The following TMTC2 variants were observed in gnomAD, a reference collection of about 807,000 sequenced individuals.
TMTC2 encodes the protein transmembrane O-mannosyltransferase targeting cadherins 2.
In TMTC2, 43 loss-of-function variants were observed where a neutral mutation model predicts 82.4. The ratio of observed to expected loss-of-function variants is 0.52; its 90% CI spans 0.41 to 0.67. The LOEUF is 0.67. TMTC2 is among the 30% of genes least tolerant of loss of function. TMTC2 has a pLI of 0.00. For synonymous variants in TMTC2, 408 were observed against 381.9 expected (o/e 1.07, Z -0.80); for missense variants, 919 against 1,012.4 (o/e 0.91, Z 1.25).
intron 1 of TMTC2, among the ~76,000 whole-genome samples, chr12:82,692,708 G>T (rs1872630023): frequency 6.6e-6 from 1 of 152,102 alleles, no homozygotes; most frequent in Admixed American, 6.6e-5. Context: ...TTATTTTAAT[G>T]GCTTCACAAA....
intron 1 of TMTC2, among the ~76,000 whole-genome samples, chr12:82,750,630 C>T (rs541982417): frequency 6.6e-6 from 1 of 152,212 alleles, no homozygotes; most frequent in South Asian, 2.1e-4. Flanking sequence ...TAATAGCTAT[C>T]GTCAGTCCTG....
chr12:82,992,855 C>T (rs2137351195), intron 8 of TMTC2, among the ~76,000 whole-genome samples: 1 of 152,216 alleles, frequency 6.6e-6, no homozygotes, highest in African/African-American at 2.4e-5. Flanking sequence ...ATTTCTTTTG[C>T]CTGATAGTCT....
chr12:82,775,426 G>T (rs563881867), intron 1 of TMTC2, among the ~76,000 whole-genome samples: 1 of 151,998 alleles, frequency 6.6e-6, no homozygotes, highest in Non-Finnish European at 1.5e-5. Flanking sequence ...CACCAGCCTG[G>T]GCAACAGAGT....
At chr12:82,712,748 T>A (rs772709126) in intron 1 of TMTC2, among the ~76,000 whole-genome samples, 2 of 152,142 alleles carry the variant, frequency 1.3e-5, no homozygotes, top group Non-Finnish European at 2.9e-5. Context: ...AATCAGTTTG[T>A]GATGGGCTAT....
chr12:82,951,388 T>C (rs1218165401), intron 4 of TMTC2, among the ~76,000 whole-genome samples: 1 of 152,152 alleles, frequency 6.6e-6, no homozygotes, highest in Non-Finnish European at 1.5e-5. Flanking sequence ...CTTCCCGGGT[T>C]CAAGCAGTTC....
At chr12:82,816,044 TGG>T (rs1868693486) in intron 1 of TMTC2, among the ~76,000 whole-genome samples, 1 of 152,052 alleles carries the variant, frequency 6.6e-6, no homozygotes, top group Non-Finnish European at 1.5e-5. Context: ...GATATAGTAG[TGG>T]GTATGTATTA....
intron 11 of TMTC2, among the ~76,000 whole-genome samples, chr12:83,084,718 A>G (rs1883592178): frequency 6.6e-6 from 1 of 152,216 alleles, no homozygotes; most frequent in Non-Finnish European, 1.5e-5. Flanking sequence ...AAATAAGAGG[A>G]AAACACCAGT....
chr12:83,032,517 T>C (rs1824880914), intron 9 of TMTC2, among the ~76,000 whole-genome samples: 2 of 151,544 alleles, frequency 1.3e-5, no homozygotes, highest in Non-Finnish European at 2.9e-5. Flanking sequence ...AATTTTTGGA[T>C]TTAAACAGAA....
rs138892949 is a variant in TMTC2 at position 83,027,594 on chromosome 12, C to A, written c.2071-3204C>A. The stretch of plus-strand genomic sequence containing the variant: ...AGAACCGACTGACCACATTAAGTGA[C>A]GGCTTACTGTACTCTCCTGAGAACT... On this transcript the variant is annotated intron_variant, in intron 8 of 11. Transcript: ENST00000321196. Among the ~76,000 whole-genome samples the A allele has an allele frequency of 2.0e-5, 3 of 152,274 alleles. No homozygotes were observed. In the East Asian group the frequency reaches 5.8e-4, roughly 29 times the overall value.
At chr12:82,777,139 TGCTATGTTA>T (rs1426152496) in intron 1 of TMTC2, among the ~76,000 whole-genome samples, 1 of 152,150 alleles carries the variant, frequency 6.6e-6, no homozygotes, top group Non-Finnish European at 1.5e-5. Context: ...CCCTTGAATT[TGCTATGTTA>T]GTTGTAGTAT....
chr12:82,977,449 G>C (rs1233540227), intron 7 of TMTC2, among the ~76,000 whole-genome samples: 1 of 151,808 alleles, frequency 6.6e-6, no homozygotes, highest in African/African-American at 2.4e-5. Context: ...AATTATTTAA[G>C]GTTGTTGTAG....
chr12:82,955,922 T>C (rs1193865467), intron 4 of TMTC2, among the ~76,000 whole-genome samples: 1 of 152,130 alleles, frequency 6.6e-6, no homozygotes, highest in East Asian at 1.9e-4. Flanking sequence ...AGACTGGAAA[T>C]ATTTTTTTTT....
chr12:82,916,158 C>A (rs376996881), intron 3 of TMTC2, among the ~76,000 whole-genome samples: 4 of 152,204 alleles, frequency 2.6e-5, no homozygotes, highest in Non-Finnish European at 4.4e-5. Flanking sequence ...ATAGTTGTTA[C>A]ATAAACAGGA....
intron 8 of TMTC2, among the ~76,000 whole-genome samples, chr12:83,005,932 C>T (rs1167851090): frequency 6.6e-6 from 1 of 152,178 alleles, no homozygotes; most frequent in East Asian, 1.9e-4. Flanking sequence ...CATGGAGAAC[C>T]CTTGGATATC....
At chr12:82,702,853 A>T (rs1407969121) in intron 1 of TMTC2, among the ~76,000 whole-genome samples, 1 of 152,088 alleles carries the variant, frequency 6.6e-6, no homozygotes, top group Admixed American at 6.6e-5. Flanking sequence ...GTCTCTATAA[A>T]AAATAAAAAT....
At chr12:82,764,719 G>T (rs528647208) in intron 1 of TMTC2, among the ~76,000 whole-genome samples, 1 of 152,132 alleles carries the variant, frequency 6.6e-6, no homozygotes. Flanking sequence ...CTCCGAAGAT[G>T]ATTTTGAGGG....
At chr12:83,038,814 G>C (rs2137435923) in intron 9 of TMTC2, among the ~76,000 whole-genome samples, 1 of 149,830 alleles carries the variant, frequency 6.7e-6, no homozygotes, top group Non-Finnish European at 1.5e-5. Context: ...GCACCCTTTT[G>C]TTTTCCTTTG....
intron 1 of TMTC2, among the ~76,000 whole-genome samples, chr12:82,780,380 C>T (rs1330941540): frequency 2.0e-5 from 3 of 151,932 alleles, no homozygotes; most frequent in Non-Finnish European, 4.4e-5. Flanking sequence ...AGATAACTTT[C>T]TGATAACTTC....
intron 8 of TMTC2, among the ~76,000 whole-genome samples, chr12:83,013,186 T>A (rs895373943): frequency 6.6e-6 from 1 of 152,138 alleles, no homozygotes; most frequent in Non-Finnish European, 1.5e-5. Context: ...TTGAGAAATC[T>A]TTATTTGGAA....
Sources: gnomAD v4.1 joint callset for allele counts (sites outside exome capture counted in the v4.1 genomes callset) on GRCh38, gnomAD v4.1.1 for gene constraint, MANE v1.5 for transcripts, NCBI Gene and HGNC (gene_info 2026-07-23, HGNC 2026-07-21) for gene names.